PTPRT: variants seen among roughly 807,000 people sequenced by gnomAD.
PTPRT encodes the protein protein tyrosine phosphatase receptor type T.
In PTPRT, 56 loss-of-function variants were observed where a neutral mutation model predicts 176.8. That is an observed-to-expected ratio of 0.32 (90% CI 0.26 to 0.40). The LOEUF (loss-of-function observed/expected upper bound fraction) is 0.40, where lower values mean the gene tolerates loss of function less well. Ranked by LOEUF, PTPRT falls within the 10% of genes least tolerant of loss-of-function variation. The pLI is 1.00. For synonymous variants in PTPRT, 783 were observed against 739.0 expected (o/e 1.06, Z -0.96); for missense variants, 1,540 against 1,908.2 (o/e 0.81, Z 3.60).
intron 21 of PTPRT, chr20:42,116,197 G>A: frequency 4.4e-6 from 3 of 679,454 alleles, no homozygotes; most frequent in Admixed American, 4.4e-5. Flanking sequence ...CAGTTAAATA[G>A]GCAGCTTTGC....
intron 13 of PTPRT, among the ~76,000 whole-genome samples, chr20:42,257,639 CCCCA>C (rs1431250032): frequency 4.4e-4 from 12 of 27,006 alleles, no homozygotes; most frequent in African/African-American, 1.5e-3. Flanking sequence ...TAGCACCTCC[CCCCA>C]CCCCCCCCCC....
In PTPRT at chr20:42,102,093, G is replaced by A. The variant is rs766078563; in HGVS notation, c.3714+31C>T. 1.9e-6 allele frequency: 3 copies of A among 1,600,358 alleles called. No homozygotes were observed. In the East Asian group the frequency reaches 6.7e-5, roughly 36 times the overall value. ...GAAGAATATTTGCCCTAGAATGCCA[G>A]CTAGGAGCTTTCTGCCCGGGCTCGG... is the stretch of plus-strand genomic sequence containing the variant. On this transcript the variant is annotated intron_variant, in intron 26 of 30. Transcript: ENST00000373187.
At chr20:42,432,589 G>A (rs762162652) in intron 9 of PTPRT, among the ~76,000 whole-genome samples, 5 of 152,128 alleles carry the variant, frequency 3.3e-5, no homozygotes, top group Non-Finnish European at 7.3e-5. Context: ...GACTCTTTGT[G>A]GCAATACAAA....
rs774065886 is a variant in PTPRT at position 42,085,812 on chromosome 20, A to G, written c.3888T>C (p.Tyr1296=). 42 of 1,613,656 alleles carry G rather than the reference A, an allele frequency of 2.6e-5. No homozygotes were observed. The highest frequency in any genetic ancestry group is 3.5e-5 in the Non-Finnish European group (41 of 1,179,646). ...QYWPEKTSGC[Y]GPIQVEFVSA... is the part of the protein sequence containing the mutation. ...AGACGAACTCCACCTGGATGGGCCCATAGCACCCGGAGGTCTTCTCAGGCC... is the reference window on the plus strand; with the variant it reads ...AGACGAACTCCACCTGGATGGGCCCGTAGCACCCGGAGGTCTTCTCAGGCC... Residue 1296 remains tyrosine, a synonymous_variant, in exon 28 of 31, where the codon TAT becomes TAC. Coordinates refer to ENST00000373187, the MANE Select transcript of PTPRT (RefSeq NM_007050.6).
the PTPRT span, among the ~76,000 whole-genome samples, chr20:42,048,278 CTGT>C: frequency 6.6e-6 from 1 of 152,186 alleles, no homozygotes; most frequent in Non-Finnish European, 1.5e-5. Context: ...GAAGCTGGCT[CTGT>C]TGTTGTATAT....
intron 1 of PTPRT, among the ~76,000 whole-genome samples, chr20:42,939,113 C>T (rs1980387745): frequency 6.6e-6 from 1 of 152,212 alleles, no homozygotes; most frequent in African/African-American, 2.4e-5. Context: ...AACCAACTCG[C>T]TCACATTTGC....
intron 6 of PTPRT, among the ~76,000 whole-genome samples, chr20:42,720,855 A>G (rs943616457): frequency 6.6e-6 from 1 of 152,176 alleles, no homozygotes; most frequent in African/African-American, 2.4e-5. Flanking sequence ...GTCTCTCACT[A>G]GAGAGTTGGG....
At chr20:42,503,360 T>C (rs2145424171) in intron 7 of PTPRT, among the ~76,000 whole-genome samples, 1 of 152,198 alleles carries the variant, frequency 6.6e-6, no homozygotes, top group African/African-American at 2.4e-5. Flanking sequence ...TCCCAAGAGT[T>C]TTATTTGTAT....
the PTPRT span, among the ~76,000 whole-genome samples, chr20:42,061,196 C>T: frequency 6.6e-6 from 1 of 152,120 alleles, no homozygotes; most frequent in Non-Finnish European, 1.5e-5. Context: ...AGGTAACCTT[C>T]CAGGGGCCTC....
At chr20:42,169,602 C>G (rs763016595) in intron 16 of PTPRT, among the ~76,000 whole-genome samples, 2 of 151,974 alleles carry the variant, frequency 1.3e-5, no homozygotes, top group African/African-American at 2.4e-5. Flanking sequence ...TATTTACTGG[C>G]AAGCAACAGG....
At chr20:42,803,184 A>T (rs2077555504) in intron 2 of PTPRT, among the ~76,000 whole-genome samples, 1 of 152,260 alleles carries the variant, frequency 6.6e-6, no homozygotes, top group Non-Finnish European at 1.5e-5. Context: ...GTTGACAACA[A>T]GGAACATCTC....
Position 43,082,797 on chromosome 20 carries a change from T to C in PTPRT, c.88+106849A>G, listed in dbSNP as rs141459709. Among the ~76,000 whole-genome samples, 122 of 152,262 alleles carry C rather than the reference T, an allele frequency of 8.0e-4. 2 individuals carry two copies. The highest frequency in any genetic ancestry group is 2.9e-3 in the African/African-American group (120 of 41,564). On this transcript the variant is annotated intron_variant, in intron 1 of 30. Transcript: ENST00000373187. ...TTAACAAAGTTGCAGTTGTCTTATCTGAGTTCCTCTCTCAGGAAACAACTA... is the reference window on the plus strand; with the variant it reads ...TTAACAAAGTTGCAGTTGTCTTATCCGAGTTCCTCTCTCAGGAAACAACTA...
At chr20:42,564,664 G>A (rs911302377) in intron 7 of PTPRT, among the ~76,000 whole-genome samples, 6 of 151,984 alleles carry the variant, frequency 3.9e-5, no homozygotes, top group Non-Finnish European at 7.4e-5. Flanking sequence ...CCTAGATGAC[G>A]GGTTGATGGG....
chr20:42,864,454 A>C (rs553646517), intron 2 of PTPRT, among the ~76,000 whole-genome samples: 1 of 152,338 alleles, frequency 6.6e-6, no homozygotes, highest in African/African-American at 2.4e-5. Flanking sequence ...AGACAGGACA[A>C]GAAGAAGCTG....
At chr20:42,608,041 C>T (rs2073910504) in intron 7 of PTPRT, among the ~76,000 whole-genome samples, 2 of 152,184 alleles carry the variant, frequency 1.3e-5, no homozygotes. Context: ...ACTATCTCCA[C>T]TCATTTTACA....
chr20:42,388,893 A>G (rs1446579966), intron 9 of PTPRT, among the ~76,000 whole-genome samples: 1 of 152,228 alleles, frequency 6.6e-6, no homozygotes, highest in Admixed American at 6.5e-5. Flanking sequence ...CATCAATGAT[A>G]GACTGGATTA....
At chr20:43,071,446 A>G (rs1044554066) in intron 1 of PTPRT, among the ~76,000 whole-genome samples, 2 of 152,112 alleles carry the variant, frequency 1.3e-5, no homozygotes, top group Non-Finnish European at 2.9e-5. Context: ...CTGCATTTAC[A>G]TGGGCCCCCA....
intron 9 of PTPRT, among the ~76,000 whole-genome samples, chr20:42,371,588 A>G (rs1239535782): frequency 6.6e-6 from 1 of 152,204 alleles, no homozygotes; most frequent in Non-Finnish European, 1.5e-5. Context: ...TTAGCACCTA[A>G]AACAAAGAGT....
At chr20:42,605,940 G>A (rs1407799317) in intron 7 of PTPRT, among the ~76,000 whole-genome samples, 1 of 152,224 alleles carries the variant, frequency 6.6e-6, no homozygotes, top group Non-Finnish European at 1.5e-5. Flanking sequence ...GATCCTTCAT[G>A]AGCCTGATGG....
Sources: gnomAD v4.1 joint callset for allele counts (sites outside exome capture counted in the v4.1 genomes callset) on GRCh38, gnomAD v4.1.1 for gene constraint, MANE v1.5 for transcripts, NCBI Gene and HGNC (gene_info 2026-07-23, HGNC 2026-07-21) for gene names.